Variants in DMD observed in about 807,000 individuals in gnomAD.
DMD encodes mutant dystrophin.
A neutral mutation model predicts 330.1 loss-of-function variants in DMD; 63 were observed. The observed-to-expected ratio is 0.19, with a 90% confidence interval of 0.16 to 0.24. The LOEUF is 0.24. Ranked by LOEUF, DMD falls within the 10% of genes least tolerant of loss-of-function variation. The probability of loss-of-function intolerance (pLI) is 1.00; values close to 1 mark genes in which losing one functional copy is unlikely to be tolerated. For missense variants in DMD, 3,344 were observed against 2,684.1 expected (o/e 1.25, Z -5.43); for synonymous variants, 1,223 against 959.8 (o/e 1.27, Z -5.07).
chrX:32,342,282 C>T lies in DMD; in HGVS notation c.5740G>A (p.Glu1914Lys). 8.3e-7 allele frequency: 1 copy of T among 1,211,144 alleles called. No individual in the cohort carries two copies. Among genetic ancestry groups the T allele is most frequent in the South Asian group, 1.8e-5 (1 of 56,946 alleles). ...TTCTTCTGCAATTCCCGATCAATTT[C>T]CTATTGAGCAAAACCAATACAGGGC... ...PEPRDERKIK[E>K]IDRELQKKKE... Residue 1914 changes from glutamate (E) to lysine (K), a missense_variant and splice_region_variant, in exon 41 of 79, where the codon GAA becomes AAA. Glu to Lys is a moderately conservative substitution (Grantham distance 56). Transcript: ENST00000357033.
Position 31,614,986 on chromosome X carries a change from T to G in DMD, c.8217+12687A>C, listed in dbSNP as rs181922238. Among the ~76,000 whole-genome samples the G allele has an allele frequency of 3.6e-5, 4 of 111,924 alleles. No homozygotes were observed. In the East Asian group the frequency reaches 1.1e-3, roughly 31 times the overall value. On this transcript the variant is annotated intron_variant, in intron 55 of 78. Transcript: ENST00000357033. Reference sequence around the variant, plus strand: ...AAAAATAATTTAAAGGACTTAAGATTCTTTTTTTATCCCCTCAATTTACAC... The same window carrying G: ...AAAAATAATTTAAAGGACTTAAGATGCTTTTTTTATCCCCTCAATTTACAC...
intron 9 of DMD, among the ~76,000 whole-genome samples, chrX:32,692,310 A>G (rs1177515214): frequency 2.7e-5 from 3 of 112,299 alleles, no homozygotes; most frequent in East Asian, 2.8e-4. Flanking sequence ...GAGTTGAGCT[A>G]AAACCTAACA....
chrX:32,995,319 T>G (rs191450802), intron 2 of DMD, among the ~76,000 whole-genome samples: 12 of 112,340 alleles, frequency 1.1e-4, no homozygotes, highest in African/African-American at 3.9e-4. Context: ...CATAGAAACT[T>G]TATCTAAAAT....
chrX:32,937,769 G>A (rs767408996), intron 2 of DMD, among the ~76,000 whole-genome samples: 4 of 109,696 alleles, frequency 3.6e-5, no homozygotes, highest in Admixed American at 9.9e-5. Context: ...AACACGATGA[G>A]TCTCTCTTCC....
intron 53 of DMD, among the ~76,000 whole-genome samples, chrX:31,678,700 A>G (rs1255989201): frequency 2.7e-5 from 3 of 111,030 alleles, no homozygotes; most frequent in Non-Finnish European, 3.8e-5. Flanking sequence ...ACTCACCCCC[A>G]TTTCTTGATC....
At chrX:31,753,651 C>T (rs1271845477) in intron 51 of DMD, among the ~76,000 whole-genome samples, 2 of 111,578 alleles carry the variant, frequency 1.8e-5, no homozygotes, top group Admixed American at 9.6e-5. Context: ...CATATATATG[C>T]TTTATTCTTT....
chrX:32,761,270 GTA>G (rs1189305689), intron 7 of DMD, among the ~76,000 whole-genome samples: 2 of 112,066 alleles, frequency 1.8e-5, no homozygotes, highest in Non-Finnish European at 1.9e-5. Flanking sequence ...TAAATCCCCA[GTA>G]TATAATCTGC....
intron 42 of DMD, among the ~76,000 whole-genome samples, chrX:32,298,522 T>TATATATAA (rs1255361212): frequency 1.8e-5 from 2 of 109,830 alleles, no homozygotes; most frequent in Non-Finnish European, 3.8e-5. Context: ...GGCATATATA[T>TATATATAA]ATATGTCATG....
At chrX:32,244,099 T>G (rs1424094196) in intron 43 of DMD, among the ~76,000 whole-genome samples, 4 of 54,718 alleles carry the variant, frequency 7.3e-5, no homozygotes, top group Non-Finnish European at 1.3e-4. Context: ...ATGCTATCCC[T>G]CCCCCCTCCC....
At chrX:31,195,082 C>T (rs1001769910) in intron 67 of DMD, among the ~76,000 whole-genome samples, 1 of 111,947 alleles carries the variant, frequency 8.9e-6, no homozygotes, top group African/African-American at 3.2e-5. Flanking sequence ...AAAGGCTTCC[C>T]ATAACTACCA....
intron 57 of DMD, among the ~76,000 whole-genome samples, chrX:31,482,614 C>A (rs908381005): frequency 3.6e-4 from 40 of 111,337 alleles, no homozygotes; most frequent in African/African-American, 1.2e-3. Flanking sequence ...GTGCTGAGAG[C>A]AATTTCAGTG....
rs753235991 is a variant in DMD, at chrX:32,335,880, T to A, written c.5922+6220A>T. 2.8e-3 allele frequency among the ~76,000 whole-genome samples: 295 copies of A among 105,352 alleles called. 1 individual carries two copies. Among genetic ancestry groups the A allele is most frequent in the Middle Eastern group, 0.018 (2 of 110 alleles). 91.5% of individuals were successfully genotyped at this position (105,352 alleles called of 115,157 possible). On this transcript the variant is annotated intron_variant, in intron 41 of 78. Coordinates refer to ENST00000357033, the MANE Select transcript of DMD (RefSeq NM_004006.3). ...TATTCAACGTTATATGTGTATAACA[T>A]GTTATATATAACATGTTATACATAT...
chrX:31,626,223 G>C (rs1480906058), intron 55 of DMD, among the ~76,000 whole-genome samples: 1 of 111,219 alleles, frequency 9.0e-6, no homozygotes, highest in Non-Finnish European at 1.9e-5. Context: ...GACTTCAGGT[G>C]ATCCACCCAC....
chrX:32,631,850 T>TA (rs2058752910), intron 11 of DMD, among the ~76,000 whole-genome samples: 1 of 111,309 alleles, frequency 9.0e-6, no homozygotes, highest in Admixed American at 9.5e-5. Flanking sequence ...GTGAGGATTG[T>TA]AATTCAATGT....
In DMD at chrX:33,211,524, C is replaced by A. The variant is rs764946526; in HGVS notation, c.-212G>T. ...AGGGGGAAAGTGAGTGATCCCAACACTGAGTGAGTCAACACAGTAACTGAT... is the reference window on the plus strand; with the variant it reads ...AGGGGGAAAGTGAGTGATCCCAACAATGAGTGAGTCAACACAGTAACTGAT... On this transcript the variant is annotated 5_prime_UTR_variant, in exon 1 of 79. Coordinates refer to ENST00000357033, the MANE Select transcript of DMD (RefSeq NM_004006.3). 8 of 1,069,075 alleles carry A rather than the reference C, an allele frequency of 7.5e-6. No homozygotes were observed. The Admixed American group carries it at 3.0e-4, about 40-fold the overall frequency. The allele number at this position is 1,069,075 out of a possible 1,213,427, so 88.1% of individuals were successfully genotyped here.
intron 63 of DMD, among the ~76,000 whole-genome samples, chrX:31,234,758 C>A (rs918414782): frequency 9.0e-6 from 1 of 111,530 alleles, no homozygotes; most frequent in South Asian, 3.8e-4. Flanking sequence ...CAGAGATGGA[C>A]GGTAAAGTGG....
At chrX:31,184,394 C>T (rs985709518) in intron 67 of DMD, among the ~76,000 whole-genome samples, 1 of 108,210 alleles carries the variant, frequency 9.2e-6, no homozygotes, top group Admixed American at 9.9e-5. Flanking sequence ...CAGAGAAATG[C>T]AAATCAAAAC....
chrX:33,238,716 G>A lies in DMD; in HGVS notation c.7+100543C>T, dbSNP rs146299735. ...GTTTTTTGTCCAAAGCTATAACCGA[G>A]ATTTTAAAGTCCTGTGACGTTAAAC... is the stretch of plus-strand genomic sequence containing the variant. On this transcript the variant is annotated intron_variant, in intron 1 of 17. Coordinates refer to the DMD transcript ENST00000288447. Among the ~76,000 whole-genome samples the A allele has an allele frequency of 2.5e-3, 282 of 111,478 alleles. 4 individuals are homozygous for A. The East Asian group carries it at 0.026, about 10-fold the overall frequency.
At chrX:32,334,116 G>A (rs893362936) in intron 41 of DMD, among the ~76,000 whole-genome samples, 4 of 110,636 alleles carry the variant, frequency 3.6e-5, no homozygotes, top group African/African-American at 1.3e-4. Context: ...AAAAAACTCC[G>A]TACAAATATT....
Sources: gnomAD v4.1 joint callset for allele counts (sites outside exome capture counted in the v4.1 genomes callset) on GRCh38, gnomAD v4.1.1 for gene constraint, MANE v1.5 for transcripts, NCBI Gene and HGNC (gene_info 2026-07-23, HGNC 2026-07-21) for gene names.